The following ITPR1 variants were observed in gnomAD, a reference collection of about 807,000 sequenced individuals.
The protein encoded by ITPR1 is inositol 1,4,5-trisphosphate-gated calcium channel ITPR1.
Under a neutral mutation model 318.4 loss-of-function variants are expected in ITPR1, and 96 were observed. That is an observed-to-expected ratio of 0.30 (90% confidence interval 0.26 to 0.36). ITPR1 has a LOEUF of 0.36. ITPR1 is among the 10% of genes least tolerant of loss of function. The probability of loss-of-function intolerance (pLI) is 1.00; values close to 1 mark genes in which losing one functional copy is unlikely to be tolerated. For missense variants in ITPR1, 2,440 were observed against 3,460.2 expected (o/e 0.71, Z 7.40); for synonymous variants, 1,312 against 1,289.9 (o/e 1.02, Z -0.37).
intron 60 of ITPR1, among the ~76,000 whole-genome samples, chr3:4,823,875 G>A (rs1490139195): frequency 6.6e-6 from 1 of 152,084 alleles, no homozygotes; most frequent in Non-Finnish European, 1.5e-5. Context: ...CCATACATTT[G>A]TACAAATGAA....
intron 36 of ITPR1, among the ~76,000 whole-genome samples, chr3:4,705,417 G>T (rs112143095): frequency 2.6e-5 from 4 of 152,254 alleles, no homozygotes; most frequent in South Asian, 2.1e-4. Context: ...GGCTCGATTC[G>T]AATTTCACCA....
chr3:4,551,367 G>T (rs2085547674), intron 4 of ITPR1, among the ~76,000 whole-genome samples: 2 of 152,210 alleles, frequency 1.3e-5, no homozygotes, highest in South Asian at 4.1e-4. Context: ...AGATTGAGAT[G>T]TGAAATCATG....
chr3:4,723,840 A>T (rs1272354889), intron 40 of ITPR1, among the ~76,000 whole-genome samples: 1 of 152,080 alleles, frequency 6.6e-6, no homozygotes, highest in African/African-American at 2.4e-5. Context: ...AGTAGAATAT[A>T]ATACTTCTGT....
intron 2 of ITPR1, among the ~76,000 whole-genome samples, chr3:4,501,047 A>T (rs1271707325): frequency 1.3e-5 from 2 of 151,672 alleles, no homozygotes; most frequent in African/African-American, 4.8e-5. Context: ...TTTTTTGTAG[A>T]GATTGGGTCT....
intron 16 of ITPR1, 75 bp downstream of exon 16, chr3:4,663,281 A>C: frequency 7.1e-7 from 1 of 1,402,226 alleles, no homozygotes; most frequent in Non-Finnish European, 9.7e-7. Flanking sequence ...TCATGCCTGT[A>C]GTCCCAGCAC....
intron 53 of ITPR1, among the ~76,000 whole-genome samples, chr3:4,796,576 G>A (rs1459533835): frequency 6.6e-6 from 1 of 152,118 alleles, no homozygotes; most frequent in Non-Finnish European, 1.5e-5. Context: ...ACTCTCCATT[G>A]CCTTAAAAAT....
intron 46 of ITPR1, among the ~76,000 whole-genome samples, chr3:4,770,769 T>C (rs923119580): frequency 1.3e-5 from 2 of 152,198 alleles, no homozygotes; most frequent in African/African-American, 2.4e-5. Flanking sequence ...TGTAGTCCAG[T>C]TGGGTGGAGC....
At chr3:4,683,896 T>G (rs2094344377) in intron 28 of ITPR1, 98 bp downstream of exon 28, 1 of 1,122,566 alleles carries the variant, frequency 8.9e-7, no homozygotes, top group Non-Finnish European at 1.3e-6. Context: ...GTGATAGGAT[T>G]TATTTTCAAG....
intron 35 of ITPR1, among the ~76,000 whole-genome samples, chr3:4,700,340 C>A (rs2094627342): frequency 6.6e-6 from 1 of 152,280 alleles, no homozygotes; most frequent in Non-Finnish European, 1.5e-5. Flanking sequence ...CAAAGTTATG[C>A]CTTACATGCA....
chr3:4,655,315 T>C (rs753192334), intron 12 of ITPR1, among the ~76,000 whole-genome samples: 3 of 152,144 alleles, frequency 2.0e-5, no homozygotes, highest in Non-Finnish European at 4.4e-5. Flanking sequence ...AGCGCTGATG[T>C]CCAAGTGAAC....
At chr3:4,540,117 G>C (rs1414023720) in intron 4 of ITPR1, among the ~76,000 whole-genome samples, 1 of 151,722 alleles carries the variant, frequency 6.6e-6, no homozygotes, top group East Asian at 1.9e-4. Flanking sequence ...TTTTTAAAAA[G>C]GTTTTTTCTT....
intron 4 of ITPR1, among the ~76,000 whole-genome samples, chr3:4,585,242 A>C (rs759563776): frequency 1.7e-4 from 26 of 152,238 alleles, no homozygotes; most frequent in Non-Finnish European, 7.3e-5. Flanking sequence ...TGGGCCAAGC[A>C]TAGAAACCCA....
intron 15 of ITPR1, 45 bp downstream of exon 15, chr3:4,662,287 G>A: frequency 7.0e-7 from 1 of 1,438,820 alleles, no homozygotes; most frequent in Non-Finnish European, 9.2e-7. Context: ...CCCGCACTGA[G>A]AGTTTCTGAC....
At chr3:4,727,045 G>A in intron 41 of ITPR1, 81 bp from the exon 42 acceptor site, 2 of 1,142,688 alleles carry the variant, frequency 1.8e-6, no homozygotes, top group South Asian at 2.5e-5. Context: ...AACTCTCAAT[G>A]TATTTTATAT....
intron 18 of ITPR1, among the ~76,000 whole-genome samples, chr3:4,667,917 T>C (rs1258232573): frequency 2.0e-5 from 3 of 152,180 alleles, no homozygotes; most frequent in Non-Finnish European, 2.9e-5. Context: ...AAAAATGTTC[T>C]TAATTTTAAT....
At chr3:4,621,664 C>G (rs1197373282) in intron 4 of ITPR1, among the ~76,000 whole-genome samples, 1 of 152,208 alleles carries the variant, frequency 6.6e-6, no homozygotes, top group Non-Finnish European at 1.5e-5. Context: ...CCTGCACTGC[C>G]CTGCACAGTG....
At chr3:4,604,078 G>C (rs1377719830) in intron 4 of ITPR1, among the ~76,000 whole-genome samples, 1 of 152,120 alleles carries the variant, frequency 6.6e-6, no homozygotes, top group Non-Finnish European at 1.5e-5. Context: ...CATTTCTTCA[G>C]TGATTAGTGA....
chr3:4,659,697 A>C (rs995445190), intron 13 of ITPR1, among the ~76,000 whole-genome samples: 1 of 152,146 alleles, frequency 6.6e-6, no homozygotes, highest in African/African-American at 2.4e-5. Context: ...AAAGGAAAAA[A>C]AAAAAAGAAA....
chr3:4,686,329 CT>C (rs2094393899), intron 30 of ITPR1, among the ~76,000 whole-genome samples: 1 of 152,188 alleles, frequency 6.6e-6, no homozygotes, highest in Non-Finnish European at 1.5e-5. Flanking sequence ...CTTTCGGTAG[CT>C]ATAAATAAAG....
Sources: gnomAD v4.1 joint callset for allele counts (sites outside exome capture counted in the v4.1 genomes callset) on GRCh38, gnomAD v4.1.1 for gene constraint, MANE v1.5 for transcripts, NCBI Gene and HGNC (gene_info 2026-07-23, HGNC 2026-07-21) for gene names.